Variants in PRR3 observed in about 807,000 individuals in gnomAD.
PRR3 encodes proline rich 3.
A neutral mutation model predicts 22.4 loss-of-function variants in PRR3; 16 were observed. That is an observed-to-expected ratio of 0.71 (90% confidence interval 0.48 to 1.09). PRR3 has a LOEUF of 1.09. Ranked by LOEUF, PRR3 falls within the 50% of genes least tolerant of loss-of-function variation. The pLI is 0.00. For synonymous variants in PRR3, 87 were observed against 88.6 expected (o/e 0.98, Z 0.10); for missense variants, 224 against 243.4 (o/e 0.92, Z 0.53).
chr6:30,561,657 C>T lies in PRR3; in HGVS notation c.170-177C>T. On this transcript the variant is annotated intron_variant, in intron 2 of 3. Transcript: ENST00000376560. The surrounding 1 kb of genome is among the most constrained non-coding windows in gnomAD (Gnocchi z 4.0). ...AGGTGCTAATAAGGCTTTATCTCTT[C>T]ACCTGGTGGTGGAAACTCAAGTGTG... 1 of 620,022 alleles carries T rather than the reference C, an allele frequency of 1.6e-6. No homozygotes were observed. The highest frequency in any genetic ancestry group is 3.0e-5 in the Admixed American group (1 of 32,814). 38.4% of individuals were successfully genotyped at this position (620,022 alleles called of 1,614,324 possible). A position where few individuals can be genotyped will look rare whatever the true frequency, so the allele number is the denominator to read the frequency against.
In PRR3 at chr6:30,561,357, T is replaced by C. The variant is rs1035233545; in HGVS notation, c.170-477T>C. On this transcript the variant is annotated intron_variant, in intron 2 of 3. Coordinates refer to ENST00000376560, the MANE Select transcript of PRR3 (RefSeq NM_025263.4). This position sits in a 1 kb window ranked among gnomAD's most constrained non-coding sequence, Gnocchi z 4.0. ...AAACTGGATACCACCCACATGTCCA[T>C]CATCAGTAGAATGGATAAATAAATT... is the stretch of plus-strand genomic sequence containing the variant. 23 of 460,800 alleles carry C rather than the reference T, an allele frequency of 5.0e-5. No individual in the cohort carries two copies. Among genetic ancestry groups the C allele is most frequent in the Non-Finnish European group, 9.6e-5 (22 of 230,188 alleles). The allele number at this position is 460,800 out of a possible 1,614,324, so 28.5% of individuals were successfully genotyped here.
upstream of PRR3, chr6:30,557,264 CCCCGG>C (rs758700285): frequency 9.2e-7 from 1 of 1,085,514 alleles, no homozygotes; most frequent in South Asian, 1.3e-5. Flanking sequence ...CCCACCGACC[CCCCGG>C]AAGCGGAAAC....
chr6:30,558,490 C>T, intron 2 of PRR3: 2 of 456,940 alleles, frequency 4.4e-6, no homozygotes, highest in Non-Finnish European at 8.0e-6. Flanking sequence ...ATCAAGGCGA[C>T]TATCAAGACA....
At chr6:30,558,395 T>C (rs1330938554) in intron 2 of PRR3, 183 bp downstream of exon 2, 4 of 586,922 alleles carry the variant, frequency 6.8e-6, no homozygotes, top group Non-Finnish European at 1.2e-5. Flanking sequence ...TCTTCCCAAA[T>C]TGATAAACAG....
Position 30,562,674 on chromosome 6 carries a change from C to T in PRR3, c.*179C>T, listed in dbSNP as rs146136294. 372 of 543,050 alleles carry T rather than the reference C, an allele frequency of 6.9e-4. 2 individuals carry two copies. Among genetic ancestry groups the T allele is most frequent in the African/African-American group, 6.6e-3 (343 of 52,238 alleles). 33.6% of individuals were successfully genotyped at this position (543,050 alleles called of 1,614,324 possible). ...AGAGTGGTGTTGCATCACTGGTGCG[C>T]GGCATACGCGCTTTCTTCTGATCCA... On this transcript the variant is annotated 3_prime_UTR_variant, in exon 4 of 4. Transcript: ENST00000376560.
chr6:30,562,924 A>G lies in PRR3; in HGVS notation c.*429A>G, dbSNP rs1800739857. The G allele has an allele frequency of 6.4e-6, 1 of 155,414 alleles. No individual in the cohort carries two copies. Among genetic ancestry groups the G allele is most frequent in the African/African-American group, 2.4e-5 (1 of 41,470 alleles). The allele number at this position is 155,414 out of a possible 1,614,324, so 9.6% of individuals were successfully genotyped here. ...GCTTGTTTTAAGTCCTTTTTATGTG[A>G]CATTCCCTACCCCCAATGTTGTCAG... is the stretch of plus-strand genomic sequence containing the variant. On this transcript the variant is annotated 3_prime_UTR_variant, in exon 4 of 4. Coordinates refer to ENST00000376560, the MANE Select transcript of PRR3 (RefSeq NM_025263.4).
Position 30,558,138 on chromosome 6 carries a change from G to C in PRR3, c.107-12G>C. On this transcript the variant is annotated splice_polypyrimidine_tract_variant and intron_variant, in intron 1 of 3. Transcript: ENST00000376560. ...TCCATTCTGATGACCATATTTTCATGTCTGCTCTTAGGACCACCCAGCCTT... is the reference window on the plus strand; with the variant it reads ...TCCATTCTGATGACCATATTTTCATCTCTGCTCTTAGGACCACCCAGCCTT... 6.2e-7 allele frequency: 1 copy of C among 1,610,408 alleles called. No individual in the cohort carries two copies.
rs1457584138 is a variant in PRR3 at position 30,562,969 on chromosome 6, AG to A, written c.*476del. The stretch of plus-strand genomic sequence containing the variant: ...TGTCAGCTGCTTGTGAAACTCAGCC[AG>A]GTTGTCTAACCTGGGGTCAAGTTTG... On this transcript the variant is annotated 3_prime_UTR_variant, in exon 4 of 4. Coordinates refer to ENST00000376560, the MANE Select transcript of PRR3 (RefSeq NM_025263.4). 6.5e-6 allele frequency: 1 copy of A among 153,346 alleles called. No homozygotes were observed. Among genetic ancestry groups the A allele is most frequent in the Non-Finnish European group, 1.5e-5 (1 of 68,692 alleles). 9.5% of individuals were successfully genotyped at this position (153,346 alleles called of 1,614,324 possible).
chr6:30,561,771 G>T lies in PRR3; in HGVS notation c.170-63G>T. ...AATAAAAAAAATTTTTTTAATCACG[G>T]TTTATCAGGATTCAGCTGCCCATTA... On this transcript the variant is annotated intron_variant, in intron 2 of 3. Transcript: ENST00000376560. The surrounding 1 kb of genome is among the most constrained non-coding windows in gnomAD (Gnocchi z 4.0). 1.4e-6 allele frequency: 2 copies of T among 1,449,544 alleles called. No homozygotes were observed. The highest frequency in any genetic ancestry group is 2.9e-5 in the African/African-American group (2 of 69,556). 89.8% of individuals were successfully genotyped at this position (1,449,544 alleles called of 1,614,324 possible).
rs756787007 is a variant in PRR3 at position 30,562,487 on chromosome 6, C to T, written c.559C>T (p.Pro187Ser). The change falls in exon 4 of 4, where the codon CCT (proline) becomes TCT (serine). Residue 187 changes from proline to serine, a missense_variant. Physicochemically the swap from Pro to Ser is moderately conservative, Grantham distance 74 (BLOSUM62 -1). Transcript: ENST00000376560. ...CTACCATCCAGGCGTCAATGGACCT[C>T]CTCTGTGAGACTGTGCCTTCCCATC... Reference protein sequence around the residue: ...AFYHPGVNGPPL With the variant: ...AFYHPGVNGPSL The T allele has an allele frequency of 2.5e-6, 4 of 1,600,708 alleles. No individual in the cohort carries two copies. Among genetic ancestry groups the T allele is most frequent in the African/African-American group, 2.7e-5 (2 of 74,596 alleles).
chr6:30,561,251 G>A lies in PRR3; in HGVS notation c.170-583G>A, dbSNP rs1036436198. 12 of 425,696 alleles carry A rather than the reference G, an allele frequency of 2.8e-5. No homozygotes were observed. The East Asian group carries it at 5.0e-4, about 18-fold the overall frequency. The allele number at this position is 425,696 out of a possible 1,614,324, so 26.4% of individuals were successfully genotyped here. On this transcript the variant is annotated intron_variant, in intron 2 of 3. Transcript: ENST00000376560. The surrounding 1 kb of genome is among the most constrained non-coding windows in gnomAD (Gnocchi z 4.0). ...TATAAGCCAGTAATACCTCTACTAC[G>A]TATATATTCAACAGAAATGCATACG...
upstream of PRR3, chr6:30,556,883 G>A: frequency 3.3e-6 from 2 of 598,904 alleles, no homozygotes; most frequent in Non-Finnish European, 3.0e-6. This position sits in a 1 kb window ranked among gnomAD's most constrained non-coding sequence, Gnocchi z 5.7. Flanking sequence ...GGGCGAGAAG[G>A]GAAACCCAAG....
upstream of PRR3, chr6:30,556,915 G>T: frequency 1.6e-6 from 1 of 607,564 alleles, no homozygotes; most frequent in Middle Eastern, 4.4e-4. The surrounding 1 kb of genome is among the most constrained non-coding windows in gnomAD (Gnocchi z 5.7). Context: ...CTTTTGGGGG[G>T]AGGTCAAAGG....
At position 30,561,881 on chromosome 6, in the gene PRR3, C is replaced by T; in HGVS notation, c.217C>T (p.Leu73=). 6.3e-7 allele frequency: 1 copy of T among 1,599,540 alleles called. No individual in the cohort carries two copies. The highest frequency in any genetic ancestry group is 8.5e-7 in the Non-Finnish European group (1 of 1,173,532). The change falls in exon 3 of 4, where the codon CTG becomes TTG. Residue 73 remains leucine (L), a synonymous_variant. Transcript: ENST00000376560. The surrounding 1 kb of genome is among the most constrained non-coding windows in gnomAD (Gnocchi z 4.0). ...ATCAAGGGGACCACTGATTCCACCA[C>T]TGCTGAGTCTCCCACCTCCTCCTTG... ...PGSRGPLIPP[L]LSLPPPPWGR...
upstream of PRR3, chr6:30,557,291 G>C (rs553481732): frequency 1.5e-6 from 2 of 1,373,884 alleles, no homozygotes; most frequent in African/African-American, 2.8e-5. Context: ...GAATCCCCGC[G>C]TGCCCCTTCC....
intron 1 of PRR3, 86 bp downstream of exon 1, chr6:30,557,536 C>A: frequency 2.1e-6 from 2 of 940,078 alleles, no homozygotes; most frequent in Non-Finnish European, 3.2e-6. Context: ...AAGGAGGGGG[C>A]TGTAACGGAA....
In PRR3 at chr6:30,561,721, T is replaced by A; in HGVS notation, c.170-113T>A. ...AACTGGGTTGTGCACTTAAAACTGG[T>A]GTGTCTTTATGTATGCTGTTCTTCA... On this transcript the variant is annotated intron_variant, in intron 2 of 3. Transcript: ENST00000376560. This position sits in a 1 kb window ranked among gnomAD's most constrained non-coding sequence, Gnocchi z 4.0. The A allele has an allele frequency of 2.2e-6, 2 of 914,590 alleles. No individual in the cohort carries two copies. The highest frequency in any genetic ancestry group is 3.2e-6 in the Non-Finnish European group (2 of 624,614). The allele number at this position is 914,590 out of a possible 1,614,324, so 56.7% of individuals were successfully genotyped here. A position where few individuals can be genotyped will look rare whatever the true frequency, so the allele number is the denominator to read the frequency against.
At chr6:30,560,043 A>G (rs1030453999) in intron 2 of PRR3, 1 of 152,264 alleles carries the variant, frequency 6.6e-6, no homozygotes, top group African/African-American at 2.4e-5. Context: ...GACATAGTGT[A>G]TTATTCCACT....
upstream of PRR3, chr6:30,556,911 G>C (rs1201262991): frequency 1.6e-6 from 1 of 607,484 alleles, no homozygotes; most frequent in East Asian, 2.7e-5. The surrounding 1 kb of genome is among the most constrained non-coding windows in gnomAD (Gnocchi z 5.7). Context: ...AGGACTTTTG[G>C]GGGGAGGTCA....
Sources: allele counts gnomAD v4.1 joint callset, GRCh38; gene constraint gnomAD v4.1.1; non-coding constraint Gnocchi (gnomAD v3.1); transcripts MANE v1.5; gene names NCBI Gene and HGNC (gene_info 2026-07-23, HGNC 2026-07-21).